Variants in SYN2 observed in about 807,000 individuals in gnomAD.
The protein encoded by SYN2 is synapsin II.
Under a neutral mutation model 50.9 loss-of-function variants are expected in SYN2, and 19 were observed. The ratio of observed to expected loss-of-function variants is 0.37; its 90% CI spans 0.26 to 0.55. SYN2 has a LOEUF of 0.55. Among genes scored for constraint, SYN2 ranks in the 20% least tolerant of loss-of-function variants. SYN2 has a pLI of 0.81. For synonymous variants in SYN2, 255 were observed against 224.9 expected, an observed-to-expected ratio of 1.13 and a Z score of -1.20; for missense variants, 587 against 576.4, an observed-to-expected ratio of 1.02 and a Z score of -0.19.
At position 12,140,720 on chromosome 3, in the gene SYN2, G is replaced by A. The variant is rs1224133793; in HGVS notation, c.435+12G>A. On this transcript the variant is annotated intron_variant, in intron 2 of 12. Coordinates refer to ENST00000621198, the MANE Select transcript of SYN2 (RefSeq NM_133625.6). ...TCAAGGTGGAACAGGTAATCAGCCTGAAGCCCAGAGCTGCATCCCCGTCAT... is the reference window on the plus strand; with the variant it reads ...TCAAGGTGGAACAGGTAATCAGCCTAAAGCCCAGAGCTGCATCCCCGTCAT... 4 of 752,694 alleles carry A rather than the reference G, an allele frequency of 5.3e-6. No individual in the cohort carries two copies. Among genetic ancestry groups the A allele is most frequent in the Non-Finnish European group, 9.9e-6 (4 of 403,040 alleles). The allele number at this position is 752,694 out of a possible 1,614,324, so 46.6% of individuals were successfully genotyped here.
chr3:12,139,754 C>T (rs192793451), intron 1 of SYN2, among the ~76,000 whole-genome samples: 2 of 152,266 alleles, frequency 1.3e-5, no homozygotes, highest in African/African-American at 4.8e-5. Flanking sequence ...GAAAAGCAAG[C>T]TCAACTTACC....
intron 1 of SYN2, among the ~76,000 whole-genome samples, chr3:12,130,110 G>A (rs1159393194): frequency 6.6e-6 from 1 of 151,962 alleles, no homozygotes; most frequent in East Asian, 1.9e-4. Context: ...CCAGTCTATG[G>A]CATTTTGATA....
chr3:12,052,614 A>C (rs6789725), intron 1 of SYN2, among the ~76,000 whole-genome samples: 12,779 of 152,220 alleles, frequency 0.084, 1,759 homozygotes, highest in African/African-American at 0.29. Flanking sequence ...ATCTCTGGAT[A>C]ACATGATAAA....
chr3:12,120,510 C>T (rs761915245), intron 1 of SYN2, among the ~76,000 whole-genome samples: 12 of 152,096 alleles, frequency 7.9e-5, no homozygotes, highest in Non-Finnish European at 1.5e-4. Context: ...AGGGAGAGAG[C>T]GGATTCAGGC....
At chr3:12,106,542 C>A (rs926338274) in intron 1 of SYN2, among the ~76,000 whole-genome samples, 4 of 152,086 alleles carry the variant, frequency 2.6e-5, no homozygotes, top group Admixed American at 2.6e-4. Context: ...CACATCATAA[C>A]GTTTAGTAAA....
Position 12,045,898 on chromosome 3 carries a change from C to T in SYN2, c.377+40970C>T, listed in dbSNP as rs552051556. Among the ~76,000 whole-genome samples, 4 of 152,234 alleles carry T rather than the reference C, an allele frequency of 2.6e-5. No individual in the cohort carries two copies. The East Asian group carries it at 7.7e-4, about 29-fold the overall frequency. On this transcript the variant is annotated intron_variant, in intron 1 of 12. Coordinates refer to ENST00000621198, the MANE Select transcript of SYN2 (RefSeq NM_133625.6). Reference sequence around the variant, plus strand: ...TAAAAAATGAGGCTTGAATTTACAGCATAGTGTAGTGGGTGAGAAGCATGG... The same window carrying T: ...TAAAAAATGAGGCTTGAATTTACAGTATAGTGTAGTGGGTGAGAAGCATGG...
rs544919191 is a variant in SYN2, at chr3:12,180,893, G to C, written c.1309-2419G>C. On this transcript the variant is annotated intron_variant, in intron 10 of 12. Transcript: ENST00000621198. ...CCCCTGTGAGCTCATCCTGTGTCTG[G>C]AGTTCTACCATTAAAGCTTAATCTA... 3.9e-5 allele frequency among the ~76,000 whole-genome samples: 6 copies of C among 152,318 alleles called. No homozygotes were observed. In the South Asian group the frequency reaches 1.2e-3, roughly 32 times the overall value.
chr3:12,075,478 C>G (rs537253821), intron 1 of SYN2, among the ~76,000 whole-genome samples: 4 of 152,152 alleles, frequency 2.6e-5, no homozygotes, highest in Admixed American at 6.6e-5. Context: ...ATAACCAACA[C>G]AGGTGGAGGC....
intron 1 of SYN2, among the ~76,000 whole-genome samples, chr3:12,014,361 T>C (rs553919510): frequency 7.2e-5 from 11 of 152,360 alleles, no homozygotes; most frequent in Admixed American, 6.5e-4. Flanking sequence ...TGTTAATATG[T>C]TGGAAGTCAT....
At chr3:12,090,509 C>T (rs1695802956) in intron 1 of SYN2, among the ~76,000 whole-genome samples, 1 of 146,892 alleles carries the variant, frequency 6.8e-6, no homozygotes, top group South Asian at 2.1e-4. Context: ...GCCAGTAAGA[C>T]CTTGAGCTAA....
chr3:12,184,891 AT>A (rs1301179651), intron 11 of SYN2: 7 of 985,660 alleles, frequency 7.1e-6, no homozygotes, highest in Non-Finnish European at 8.4e-6. Context: ...TTGAGAAGAA[AT>A]GCTGCTGGCT....
At chr3:12,141,547 G>T (rs1400876377) in intron 2 of SYN2, among the ~76,000 whole-genome samples, 5 of 152,214 alleles carry the variant, frequency 3.3e-5, no homozygotes, top group Non-Finnish European at 7.3e-5. Flanking sequence ...TGTTGAAACT[G>T]ATAAAAAGAC....
At chr3:12,064,524 T>C (rs1029843830) in intron 1 of SYN2, among the ~76,000 whole-genome samples, 18 of 152,088 alleles carry the variant, frequency 1.2e-4, no homozygotes, top group African/African-American at 2.4e-4. Flanking sequence ...AGAGTTCTTA[T>C]AATTCAACAA....
chr3:12,151,205 G>A (rs1697278467), intron 4 of SYN2, 32 bp from the exon 5 acceptor site: 1 of 1,491,054 alleles, frequency 6.7e-7, no homozygotes. Flanking sequence ...AGTTATCTAA[G>A]ATAAGCTGTA....
intron 4 of SYN2, 33 bp downstream of exon 4, chr3:12,145,868 G>A (rs887335499): frequency 1.2e-6 from 2 of 1,611,864 alleles, no homozygotes; most frequent in Non-Finnish European, 1.7e-6. Context: ...AAGTAAAAGG[G>A]TAGGATTCAG....
At chr3:12,097,826 G>A (rs1034994596) in intron 1 of SYN2, among the ~76,000 whole-genome samples, 1 of 152,006 alleles carries the variant, frequency 6.6e-6, no homozygotes, top group African/African-American at 2.4e-5. Context: ...GACACAGAGT[G>A]GGGAACATCA....
chr3:12,047,819 G>C (rs73813110), intron 1 of SYN2, among the ~76,000 whole-genome samples: 1 of 152,036 alleles, frequency 6.6e-6, no homozygotes, highest in South Asian at 2.1e-4. Context: ...CTCATTAGTT[G>C]TTGGAGTTGT....
intron 1 of SYN2, among the ~76,000 whole-genome samples, chr3:12,064,744 T>A (rs1420996255): frequency 6.6e-6 from 1 of 152,112 alleles, no homozygotes; most frequent in Non-Finnish European, 1.5e-5. Context: ...TTGGTGAGGA[T>A]GTGGAGAAAT....
rs190964302 is a variant in SYN2 at position 12,145,382 on chromosome 3, A to T, written c.528-297A>T. ...TAAGACCCTGTCTCTCCAAAACATA[A>T]AGAATTAGCTGGGCATGGTGATGTG... is the stretch of plus-strand genomic sequence containing the variant. On this transcript the variant is annotated intron_variant, in intron 3 of 12. Transcript: ENST00000621198. 3.9e-5 allele frequency among the ~76,000 whole-genome samples: 6 copies of T among 152,294 alleles called. No homozygotes were observed. In the East Asian group the frequency reaches 9.7e-4, roughly 25 times the overall value.
Sources: allele counts gnomAD v4.1 joint callset (sites outside exome capture counted in the v4.1 genomes callset), GRCh38; gene constraint gnomAD v4.1.1; transcripts MANE v1.5; gene names NCBI Gene and HGNC (gene_info 2026-07-23, HGNC 2026-07-21).